The following ZSCAN21 variants were observed in gnomAD, a reference collection of about 807,000 sequenced individuals.
The protein encoded by ZSCAN21 is zinc finger and SCAN domain-containing protein 21.
In ZSCAN21, 26 loss-of-function variants were observed where a neutral mutation model predicts 35.6. The ratio of observed to expected loss-of-function variants is 0.73; its 90% CI spans 0.54 to 1.01. The LOEUF (loss-of-function observed/expected upper bound fraction) is 1.01, where lower values mean the gene tolerates loss of function less well. Among genes scored for constraint, ZSCAN21 ranks in the 50% least tolerant of loss-of-function variants. The pLI is 0.00. For synonymous variants in ZSCAN21, 219 were observed against 219.3 expected (o/e 1.00, Z 0.01); for missense variants, 593 against 587.1 (o/e 1.01, Z -0.10).
In ZSCAN21 at chr7:100,064,779, A is replaced by T; in HGVS notation, c.*162A>T. 1 of 1,614,192 alleles carries T rather than the reference A, an allele frequency of 6.2e-7. No individual in the cohort carries two copies. ...CGAGCTCCACAGCAACATGGCAGGC[A>T]GGAGGTCCTCAGAAGGTGTCAGGAG... On this transcript the variant is annotated 3_prime_UTR_variant, in exon 4 of 4. Coordinates refer to ENST00000292450, the MANE Select transcript of ZSCAN21 (RefSeq NM_145914.3).
rs751132112 is a variant in ZSCAN21 at position 100,064,413 on chromosome 7, C to T, written c.1218C>T (p.His406=). 6.6e-5 allele frequency: 107 copies of T among 1,613,886 alleles called. No homozygotes were observed. The highest frequency in any genetic ancestry group is 1.6e-4 in the Middle Eastern group (1 of 6,084). ...SFSQHAGLSS[H]QRLHTGEKPY... The stretch of plus-strand genomic sequence containing the variant: ...GTCAGCATGCGGGCCTCAGCTCCCA[C>T]CAGAGACTCCACACCGGAGAGAAGC... Residue 406 remains histidine (H), a synonymous_variant, in exon 4 of 4, where the codon CAC becomes CAT. Coordinates refer to ENST00000292450, the MANE Select transcript of ZSCAN21 (RefSeq NM_145914.3).
Position 100,064,626 on chromosome 7 carries a change from C to G in ZSCAN21, c.*9C>G, listed in dbSNP as rs753672951. 8.7e-6 allele frequency: 14 copies of G among 1,611,348 alleles called. No individual in the cohort carries two copies. Among genetic ancestry groups the G allele is most frequent in the Non-Finnish European group, 1.1e-5 (13 of 1,178,458 alleles). ...AGGGAGAAGCACCGTAACTTTCAAG[C>G]GCTCCTGTTGTTGTCGTTGTTTTAA... On this transcript the variant is annotated 3_prime_UTR_variant, in exon 4 of 4. Coordinates refer to ENST00000292450, the MANE Select transcript of ZSCAN21 (RefSeq NM_145914.3).
intron 1 of ZSCAN21, among the ~76,000 whole-genome samples, chr7:100,051,907 G>T (rs1791893596): frequency 6.6e-6 from 1 of 151,990 alleles, no homozygotes; most frequent in Non-Finnish European, 1.5e-5. Flanking sequence ...AGTTAGTAAT[G>T]AAGCATTTGA....
intron 3 of ZSCAN21, among the ~76,000 whole-genome samples, chr7:100,063,542 C>T (rs940945544): frequency 6.6e-6 from 1 of 151,856 alleles, no homozygotes; most frequent in Admixed American, 6.6e-5. Flanking sequence ...TTGGAGGTTG[C>T]AGTGAGCTGA....
chr7:100,064,364 G>T lies in ZSCAN21; in HGVS notation c.1169G>T (p.Cys390Phe). ...RIHTGEKPYQ[C>F]NECGKSFSQH... is the part of the protein sequence containing the mutation. ...CACACTGGGGAGAAGCCTTATCAGT[G>T]TAACGAATGTGGGAAGAGCTTCAGT... Residue 390 changes from cysteine to phenylalanine, a missense_variant, in exon 4 of 4, where the codon TGT becomes TTT. By Grantham distance (205) the Cys-to-Phe change is radical. Transcript: ENST00000292450. 1.2e-6 allele frequency: 2 copies of T among 1,614,156 alleles called. No homozygotes were observed. Among genetic ancestry groups the T allele is most frequent in the Non-Finnish European group, 1.7e-6 (2 of 1,180,032 alleles).
In ZSCAN21 at chr7:100,057,002, T is replaced by A; in HGVS notation, c.-5T>A. ...ATCTTTGGTGAGGCTGTTTCTGGAG[T>A]TTACATGATGACCAAGGTACTAGGC... On this transcript the variant is annotated 5_prime_UTR_variant, in exon 2 of 4. Transcript: ENST00000292450. 1 of 1,574,444 alleles carries A rather than the reference T, an allele frequency of 6.4e-7. No individual in the cohort carries two copies. Among genetic ancestry groups the A allele is most frequent in the Non-Finnish European group, 8.6e-7 (1 of 1,158,556 alleles).
At position 100,064,206 on chromosome 7, in the gene ZSCAN21, T is replaced by C. The variant is rs1792509348; in HGVS notation, c.1011T>C (p.Cys337=). ...HLVDRPYDCK[C]GKAFGQSSDL... ...TGGACCGGCCCTATGACTGTAAGTG[T>C]GGAAAAGCTTTTGGGCAGAGCTCAG... The change falls in exon 4 of 4, where the codon TGT becomes TGC. Residue 337 remains cysteine (C), a synonymous_variant. Transcript: ENST00000292450. 1 of 1,613,732 alleles carries C rather than the reference T, an allele frequency of 6.2e-7. No homozygotes were observed. The highest frequency in any genetic ancestry group is 8.5e-7 in the Non-Finnish European group (1 of 1,179,998).
chr7:100,057,752 G>C lies in ZSCAN21; in HGVS notation c.454G>C (p.Gly152Arg). The change falls in exon 3 of 4, where the codon GGA becomes CGA. Residue 152 changes from glycine (G) to arginine (R), a missense_variant. Gly to Arg is a moderately radical substitution (Grantham distance 125). Coordinates refer to ENST00000292450, the MANE Select transcript of ZSCAN21 (RefSeq NM_145914.3). Reference protein sequence around the residue: ...KPVWEKISSSGTAKESPSSMQ... With the variant: ...KPVWEKISSSRTAKESPSSMQ... ...GGTGTGGGAGAAGATATCCTCCTCA[G>C]GAACTGCAAAGGAATCCCCGAGCAG... The C allele has an allele frequency of 6.2e-7, 1 of 1,613,954 alleles. No homozygotes were observed. The highest frequency in any genetic ancestry group is 8.5e-7 in the Non-Finnish European group (1 of 1,179,958).
intron 2 of ZSCAN21, 136 bp downstream of exon 2, chr7:100,057,541 C>T: frequency 7.3e-7 from 1 of 1,379,096 alleles, no homozygotes; most frequent in South Asian, 1.5e-5. Context: ...TCCTATTTTT[C>T]TCTATCATCC....
chr7:100,060,924 G>A lies in ZSCAN21; in HGVS notation c.593-2864G>A, dbSNP rs1393373654. ...AAATTAGTCGAGTGTATTGGTACAC[G>A]CCTGTAGTCCCAGCTCCCAGCTACT... On this transcript the variant is annotated intron_variant, in intron 3 of 3. Coordinates refer to ENST00000292450, the MANE Select transcript of ZSCAN21 (RefSeq NM_145914.3). 3.3e-5 allele frequency among the ~76,000 whole-genome samples: 5 copies of A among 149,408 alleles called. No homozygotes were observed. The East Asian group carries it at 5.9e-4, about 18-fold the overall frequency.
At chr7:100,058,733 A>G (rs948069887) in intron 3 of ZSCAN21, among the ~76,000 whole-genome samples, 4 of 152,228 alleles carry the variant, frequency 2.6e-5, no homozygotes, top group African/African-American at 9.6e-5. Context: ...TTTCTGAGAC[A>G]GGGATTCCAT....
intron 3 of ZSCAN21, 23 bp from the exon 4 acceptor site, chr7:100,063,765 C>T (rs1355514319): frequency 6.3e-7 from 1 of 1,581,954 alleles, no homozygotes; most frequent in Non-Finnish European, 8.6e-7. Context: ...ACTGAAGTAT[C>T]CTTAATCTGC....
chr7:100,058,468 A>C (rs1246061446), intron 3 of ZSCAN21, among the ~76,000 whole-genome samples: 1 of 152,224 alleles, frequency 6.6e-6, no homozygotes, highest in Non-Finnish European at 1.5e-5. Context: ...GCCAGAGGGC[A>C]GGAAAGACAA....
At chr7:100,052,436 TA>T (rs1345003718) in intron 1 of ZSCAN21, among the ~76,000 whole-genome samples, 1 of 150,162 alleles carries the variant, frequency 6.7e-6, no homozygotes, top group African/African-American at 2.5e-5. Flanking sequence ...CTCTAAAAAA[TA>T]AAAAAATTAA....
At chr7:100,054,257 GT>G (rs554888797) in intron 1 of ZSCAN21, among the ~76,000 whole-genome samples, 3 of 144,642 alleles carry the variant, frequency 2.1e-5, no homozygotes, top group Admixed American at 7.0e-5. Flanking sequence ...TTTGTTTTTT[GT>G]TTTTTTTTTG....
intron 1 of ZSCAN21, among the ~76,000 whole-genome samples, chr7:100,052,073 A>G (rs1791900420): frequency 6.6e-6 from 1 of 152,120 alleles, no homozygotes; most frequent in African/African-American, 2.4e-5. Context: ...TCGTTTCTAC[A>G]AAAATAAGTA....
Position 100,057,886 on chromosome 7 carries a change from C to A in ZSCAN21, c.588C>A (p.Val196=), listed in dbSNP as rs144372688. 103 of 1,603,280 alleles carry A rather than the reference C, an allele frequency of 6.4e-5. No homozygotes were observed. The highest frequency in any genetic ancestry group is 8.7e-5 in the Non-Finnish European group (102 of 1,174,306). ...AGTTCGCTCAAGATCCAAGAAAGGT[C>A]CGAGGTGAGGACCACCCATTAGACT... ...EQEFAQDPRK[V]RDCRLSTQHE... The change falls in exon 3 of 4, where the codon GTC becomes GTA. Residue 196 remains valine, a synonymous_variant. Coordinates refer to ENST00000292450, the MANE Select transcript of ZSCAN21 (RefSeq NM_145914.3).
chr7:100,051,178 C>CCAAAA (rs533912229), intron 1 of ZSCAN21, among the ~76,000 whole-genome samples: 10 of 41,384 alleles, frequency 2.4e-4, no homozygotes, highest in Non-Finnish European at 3.9e-4. Flanking sequence ...AACTACGTCT[C>CCAAAA]AAAAAAAAAA....
chr7:100,059,727 A>G (rs2116121364), intron 3 of ZSCAN21, among the ~76,000 whole-genome samples: 1 of 150,682 alleles, frequency 6.6e-6, no homozygotes, highest in East Asian at 2.0e-4. Flanking sequence ...TCTTTTTAAA[A>G]AAACAGAGTT....
Sources: allele counts gnomAD v4.1 joint callset (sites outside exome capture counted in the v4.1 genomes callset), GRCh38; gene constraint gnomAD v4.1.1; transcripts MANE v1.5; gene names NCBI Gene and HGNC (gene_info 2026-07-23, HGNC 2026-07-21).